Variants in PDGFRL observed in about 807,000 individuals in gnomAD.
PDGFRL encodes the protein platelet-derived growth factor receptor-like protein.
Under a neutral mutation model 37.2 loss-of-function variants are expected in PDGFRL, and 46 were observed. The observed-to-expected ratio is 1.24, with a 90% CI of 0.98 to 1.58. The LOEUF (loss-of-function observed/expected upper bound fraction) is 1.58, where lower values mean the gene tolerates loss of function less well. Among genes scored for constraint, PDGFRL ranks in the 40% most tolerant of loss-of-function variants. The pLI is 0.00. For missense variants in PDGFRL, 692 were observed against 467.6 expected (o/e 1.48, Z -4.43); for synonymous variants, 251 against 184.3 (o/e 1.36, Z -2.93).
In PDGFRL at chr8:17,628,783, A is replaced by G. The variant is rs754830896; in HGVS notation, c.799+3A>G. On this transcript the variant is annotated splice_donor_region_variant and intron_variant, in intron 4 of 5. Transcript: ENST00000251630. ...GTACCAGCTGCTCTATGTGGCGGGT[A>G]AGCCTGGCCACCCCTGCCTAGATTC... The G allele has an allele frequency of 1.2e-6, 2 of 1,609,598 alleles. No homozygotes were observed. Among genetic ancestry groups the G allele is most frequent in the South Asian group, 1.1e-5 (1 of 90,886 alleles).
intron 3 of PDGFRL, among the ~76,000 whole-genome samples, chr8:17,627,987 TTC>T (rs1468965282): frequency 0.012 from 1,548 of 132,380 alleles, 42 homozygotes; most frequent in South Asian, 0.037. Flanking sequence ...TTTTCTTTCT[TTC>T]TTTTTTTTTT....
chr8:17,627,918 T>C (rs972805842), intron 3 of PDGFRL, among the ~76,000 whole-genome samples: 1 of 151,924 alleles, frequency 6.6e-6, no homozygotes, highest in African/African-American at 2.4e-5. Context: ...TCTTGTTCCT[T>C]GCTTCCTCAT....
At position 17,577,286 on chromosome 8, in the gene PDGFRL, G is replaced by A. The variant is rs149496915; in HGVS notation, c.34G>A (p.Val12Met). 2.5e-5 allele frequency: 41 copies of A among 1,612,978 alleles called. No homozygotes were observed. In the South Asian group the frequency reaches 3.9e-4, roughly 15 times the overall value. ...CTGGCTGCTGCTTGGTCTTCTGCTG[G>A]TGCACGAAGCGCTGGAGGATGGTGA... ...KVWLLLGLLL[V>M]HEALEDVTGQ... Residue 12 changes from valine (V) to methionine (M), a missense_variant, in exon 1 of 6, where the codon GTG (valine) becomes ATG (methionine). Physicochemically the swap from Val to Met is conservative, Grantham distance 21. Coordinates refer to ENST00000251630, the MANE Select transcript of PDGFRL (RefSeq NM_001372073.1).
In PDGFRL at chr8:17,628,474, C is replaced by T. The variant is rs776390631; in HGVS notation, c.506-13C>T. 2 of 1,609,974 alleles carry T rather than the reference C, an allele frequency of 1.2e-6. No individual in the cohort carries two copies. The highest frequency in any genetic ancestry group is 1.7e-6 in the Non-Finnish European group (2 of 1,176,242). ...CCGGAGTGAATAAGCCTGTGTCTTC[C>T]TTCCCTTTGCAGAGAAAGGAGAACT... On this transcript the variant is annotated splice_polypyrimidine_tract_variant and intron_variant, in intron 3 of 5. Coordinates refer to ENST00000251630, the MANE Select transcript of PDGFRL (RefSeq NM_001372073.1).
intron 2 of PDGFRL, 135 bp downstream of exon 2, chr8:17,589,900 AG>A (rs1803898518): frequency 1.6e-6 from 1 of 621,478 alleles, no homozygotes; most frequent in Non-Finnish European, 2.8e-6. Context: ...AGAAGCTCAA[AG>A]GGCAAAAGTC....
chr8:17,589,038 A>G (rs776868466), intron 1 of PDGFRL, among the ~76,000 whole-genome samples: 6 of 152,180 alleles, frequency 3.9e-5, no homozygotes, highest in East Asian at 1.9e-4. Context: ...CAATATTGAC[A>G]TATGAGGAGG....
chr8:17,628,142 C>T (rs370602100), intron 3 of PDGFRL, among the ~76,000 whole-genome samples: 18 of 150,726 alleles, frequency 1.2e-4, no homozygotes, highest in African/African-American at 2.7e-4. Flanking sequence ...TACAGGCGCC[C>T]GCCACCATGC....
chr8:17,633,695 A>G (rs1344411652), intron 4 of PDGFRL, among the ~76,000 whole-genome samples: 1 of 152,110 alleles, frequency 6.6e-6, no homozygotes. Context: ...CCACACACCT[A>G]TCTGCTCCCT....
intron 4 of PDGFRL, among the ~76,000 whole-genome samples, chr8:17,632,738 C>T (rs953338472): frequency 6.6e-6 from 1 of 152,068 alleles, no homozygotes; most frequent in Admixed American, 6.5e-5. Flanking sequence ...TCACCTCTGT[C>T]CTCCTCCCCA....
intron 3 of PDGFRL, among the ~76,000 whole-genome samples, chr8:17,626,980 G>A (rs562423174): frequency 6.6e-6 from 1 of 152,224 alleles, no homozygotes; most frequent in Non-Finnish European, 1.5e-5. Flanking sequence ...ACCTGAGACT[G>A]ATGGGTTCCT....
At chr8:17,642,201 G>C (rs1300694452) in intron 5 of PDGFRL, among the ~76,000 whole-genome samples, 1 of 152,128 alleles carries the variant, frequency 6.6e-6, no homozygotes, top group Non-Finnish European at 1.5e-5. Context: ...GCTTTTTCAG[G>C]CTACTGACTT....
intron 2 of PDGFRL, among the ~76,000 whole-genome samples, chr8:17,604,765 A>C (rs1804237961): frequency 6.6e-6 from 1 of 152,226 alleles, no homozygotes; most frequent in Non-Finnish European, 1.5e-5. Context: ...AATTTAGAGC[A>C]AAATTTAGGG....
At chr8:17,603,488 C>G (rs1804208760) in intron 2 of PDGFRL, among the ~76,000 whole-genome samples, 1 of 152,138 alleles carries the variant, frequency 6.6e-6, no homozygotes, top group Admixed American at 6.6e-5. Context: ...CAGGTTTTAC[C>G]TCCAGACTCA....
chr8:17,638,775 ATATATATAT>A lies in PDGFRL; in HGVS notation c.940-3837_940-3829del, dbSNP rs1563532516. Among the ~76,000 whole-genome samples, 107 of 93,414 alleles carry A rather than the reference ATATATATAT, an allele frequency of 1.1e-3. 3 individuals carry two copies. Among genetic ancestry groups the A allele is most frequent in the African/African-American group, 5.0e-3 (100 of 19,876 alleles). The allele number at this position is 93,414 out of a possible 152,430, so 61.3% of individuals were successfully genotyped here. ...TATATATATATATATATATATATAT[ATATATATAT>A]ATAATTGTGATATTTTCCTGTTGGG... On this transcript the variant is annotated intron_variant, in intron 5 of 5. Transcript: ENST00000251630.
In PDGFRL at chr8:17,634,084, C is replaced by A. The variant is rs756044950; in HGVS notation, c.810C>A (p.Gly270=). The A allele has an allele frequency of 3.2e-5, 52 of 1,613,882 alleles. No homozygotes were observed. The highest frequency in any genetic ancestry group is 1.5e-4 in the Admixed American group (9 of 59,996). ...YQLLYVAVPS[G]PPSTTILASS... is the part of the protein sequence containing the mutation. ...CGTGCTTGCTTCCAGTTCCCAGTGGCCCTCCCTCAACAACCATCTTGGCTT... is the reference window on the plus strand; with the variant it reads ...CGTGCTTGCTTCCAGTTCCCAGTGGACCTCCCTCAACAACCATCTTGGCTT... Residue 270 remains glycine (G), a synonymous_variant, in exon 5 of 6, where the codon GGC becomes GGA. Coordinates refer to ENST00000251630, the MANE Select transcript of PDGFRL (RefSeq NM_001372073.1).
chr8:17,583,903 A>C (rs1202517965), intron 1 of PDGFRL, among the ~76,000 whole-genome samples: 3 of 152,166 alleles, frequency 2.0e-5, no homozygotes, highest in African/African-American at 7.2e-5. Flanking sequence ...CCCAGTCTTG[A>C]ATCTTCTGGC....
At chr8:17,617,770 C>G (rs2129750015) in intron 2 of PDGFRL, among the ~76,000 whole-genome samples, 1 of 152,274 alleles carries the variant, frequency 6.6e-6, no homozygotes, top group Middle Eastern at 3.4e-3. Flanking sequence ...AGGGTTATTC[C>G]CAAGTGTTAA....
chr8:17,638,738 CATATATATATATAT>C (rs56085770), intron 5 of PDGFRL, among the ~76,000 whole-genome samples: 2,057 of 47,304 alleles, frequency 0.043, 49 homozygotes, highest in Middle Eastern at 0.065. Context: ...GCATTAGGTG[CATATATATATATAT>C]ATATATATAT....
intron 3 of PDGFRL, among the ~76,000 whole-genome samples, chr8:17,626,826 C>T (rs968291576): frequency 1.3e-5 from 2 of 152,142 alleles, no homozygotes; most frequent in African/African-American, 4.8e-5. Context: ...ATTGGTAGGC[C>T]AGTCCTCGTT....
Sources: gnomAD v4.1 joint callset for allele counts (sites outside exome capture counted in the v4.1 genomes callset) on GRCh38, gnomAD v4.1.1 for gene constraint, MANE v1.5 for transcripts, NCBI Gene and HGNC (gene_info 2026-07-23, HGNC 2026-07-21) for gene names.